DDX39B: variants seen among roughly 807,000 people sequenced by gnomAD.
DDX39B encodes spliceosome RNA helicase DDX39B.
Under a neutral mutation model 46.4 loss-of-function variants are expected in DDX39B, and 6 were observed. That is an observed-to-expected ratio of 0.13 (90% CI 0.07 to 0.26). The LOEUF is 0.26. Ranked by LOEUF, DDX39B falls within the 10% of genes least tolerant of loss-of-function variation. DDX39B has a pLI of 1.00. For missense variants in DDX39B, 185 were observed against 553.4 expected, an observed-to-expected ratio of 0.33 and a Z score of 6.68; for synonymous variants, 174 against 199.4, an observed-to-expected ratio of 0.87 and a Z score of 1.07.
intron 4 of DDX39B, among the ~76,000 whole-genome samples, chr6:31,538,064 T>C (rs1311869415): frequency 2.0e-5 from 3 of 151,890 alleles, no homozygotes; most frequent in Non-Finnish European, 4.4e-5. Flanking sequence ...TAAAATAAAA[T>C]AACTAACATA....
intron 6 of DDX39B, chr6:31,533,771 G>A (rs1055385): frequency 0.085 from 12,898 of 152,086 alleles, 804 homozygotes; most frequent in South Asian, 0.19. Flanking sequence ...TGAATAGCTG[G>A]GACTACAGGC....
At chr6:31,540,216 A>G in intron 2 of DDX39B, 106 bp downstream of exon 2, 1 of 1,272,146 alleles carries the variant, frequency 7.9e-7, no homozygotes, top group Non-Finnish European at 1.1e-6. Flanking sequence ...GCCCTGATCT[A>G]GCCTTAAGTA....
At position 31,540,954 on chromosome 6, in the gene DDX39B, G is replaced by A. The variant is rs192376883; in HGVS notation, c.-132-290C>T. On this transcript the variant is annotated intron_variant, in intron 1 of 10. Transcript: ENST00000396172. The stretch of plus-strand genomic sequence containing the variant: ...TTCTTGATCTGAAAGTAACAGTGAG[G>A]AAATAGAATAGATAATAAAAGGTAA... 2.7e-3 allele frequency: 1,127 copies of A among 417,748 alleles called. 18 individuals carry two copies. The highest frequency in any genetic ancestry group is 0.023 in the Middle Eastern group (45 of 1,962). 25.9% of individuals were successfully genotyped at this position (417,748 alleles called of 1,614,324 possible). A position where few individuals can be genotyped will look rare whatever the true frequency, so the allele number is the denominator to read the frequency against.
Position 31,530,584 on chromosome 6 carries a change from T to C in DDX39B, c.1271-134A>G, listed in dbSNP as rs1767047784. 28 of 1,317,144 alleles carry C rather than the reference T, an allele frequency of 2.1e-5. No homozygotes were observed. Among genetic ancestry groups the C allele is most frequent in the Non-Finnish European group, 2.9e-5 (28 of 950,594 alleles). 81.6% of individuals were successfully genotyped at this position (1,317,144 alleles called of 1,614,324 possible). On this transcript the variant is annotated intron_variant, in intron 10 of 10. Coordinates refer to ENST00000396172, the MANE Select transcript of DDX39B (RefSeq NM_004640.7). This position sits in a 1 kb window ranked among gnomAD's most constrained non-coding sequence, Gnocchi z 4.5. The stretch of plus-strand genomic sequence containing the variant: ...GGACGTGGGGGTGAGGGAAGGGATG[T>C]AATATGATGAGAGAAGACAAGACAC...
At chr6:31,541,740 C>T (rs1347879670) in intron 1 of DDX39B, 1 of 622,678 alleles carries the variant, frequency 1.6e-6, no homozygotes, top group Admixed American at 2.1e-5. Flanking sequence ...GCGCCGAGGA[C>T]ACCATCTTGG....
chr6:31,539,391 G>C, intron 2 of DDX39B, 117 bp from the exon 3 acceptor site: 2 of 1,448,274 alleles, frequency 1.4e-6, no homozygotes, highest in Non-Finnish European at 1.9e-6. Flanking sequence ...GTATTTACCT[G>C]GTTCTTGCCA....
Position 31,535,302 on chromosome 6 carries a change from A to T in DDX39B, c.735+65T>A. The T allele has an allele frequency of 5.4e-6, 8 of 1,473,828 alleles. No homozygotes were observed. The highest frequency in any genetic ancestry group is 7.6e-6 in the Non-Finnish European group (8 of 1,053,322). 91.3% of individuals were successfully genotyped at this position (1,473,828 alleles called of 1,614,324 possible). A position where few individuals can be genotyped will look rare whatever the true frequency, so the allele number is the denominator to read the frequency against. ...TGAATGACAAGGGAGTCTGAGGAAG[A>T]GGGCGAGGAAGGGGAGGAGGCAGCG... is the stretch of plus-strand genomic sequence containing the variant. On this transcript the variant is annotated intron_variant, in intron 6 of 10. Transcript: ENST00000396172. This position sits in a 1 kb window ranked among gnomAD's most constrained non-coding sequence, Gnocchi z 4.6.
chr6:31,532,768 C>A lies in DDX39B; in HGVS notation c.867+12G>T. 1 of 1,609,966 alleles carries A rather than the reference C, an allele frequency of 6.2e-7. No individual in the cohort carries two copies. The highest frequency in any genetic ancestry group is 2.2e-5 in the East Asian group (1 of 44,840). On this transcript the variant is annotated intron_variant, in intron 7 of 10. Transcript: ENST00000396172. ...CTCCAATGCTCATCCCCCTACTGGACGTCTAACTGACCTGGTTGAACTCAA... is the reference window on the plus strand; with the variant it reads ...CTCCAATGCTCATCCCCCTACTGGAAGTCTAACTGACCTGGTTGAACTCAA...
Position 31,530,280 on chromosome 6 carries a change from A to T in DDX39B, c.*154T>A, listed in dbSNP as rs1246149117. ...TTTTGTTAAAAAAAAATTCTGACAA[A>T]TCAGAAATGGGGGTTCAGGAGTGGT... On this transcript the variant is annotated 3_prime_UTR_variant, in exon 11 of 11. Transcript: ENST00000396172. This position sits in a 1 kb window ranked among gnomAD's most constrained non-coding sequence, Gnocchi z 4.5. 2.0e-6 allele frequency: 2 copies of T among 990,368 alleles called. No homozygotes were observed. The highest frequency in any genetic ancestry group is 2.9e-6 in the Non-Finnish European group (2 of 680,332). The allele number at this position is 990,368 out of a possible 1,614,324, so 61.3% of individuals were successfully genotyped here. A position where few individuals can be genotyped will look rare whatever the true frequency, so the allele number is the denominator to read the frequency against.
chr6:31,538,208 T>G (rs1768002390), intron 4 of DDX39B, among the ~76,000 whole-genome samples: 1 of 151,952 alleles, frequency 6.6e-6, no homozygotes, highest in East Asian at 1.9e-4. Context: ...CAGGCTGGAG[T>G]GTAATGGCAC....
chr6:31,534,351 C>T lies in DDX39B; in HGVS notation c.735+1016G>A. 5.6e-6 allele frequency: 2 copies of T among 359,336 alleles called. No individual in the cohort carries two copies. The highest frequency in any genetic ancestry group is 4.5e-5 in the South Asian group (2 of 44,522). 22.3% of individuals were successfully genotyped at this position (359,336 alleles called of 1,614,324 possible). ...TGGCCTCCTTCAAATCTCATTCTAGCCCCAAATACAGCTAAAGAGTGATCA... is the reference window on the plus strand; with the variant it reads ...TGGCCTCCTTCAAATCTCATTCTAGTCCCAAATACAGCTAAAGAGTGATCA... On this transcript the variant is annotated intron_variant, in intron 6 of 10. Transcript: ENST00000396172. The surrounding 1 kb of genome is among the most constrained non-coding windows in gnomAD (Gnocchi z 5.1).
chr6:31,530,713 G>A lies in DDX39B; in HGVS notation c.1270+66C>T. On this transcript the variant is annotated intron_variant, in intron 10 of 10. Coordinates refer to ENST00000396172, the MANE Select transcript of DDX39B (RefSeq NM_004640.7). This position sits in a 1 kb window ranked among gnomAD's most constrained non-coding sequence, Gnocchi z 4.5. ...ATCAGATGCCCATGACCTATGTGAT[G>A]GGATTTCGGACAAACACACTAAGGA... The A allele has an allele frequency of 6.3e-7, 1 of 1,577,386 alleles. No individual in the cohort carries two copies. Among genetic ancestry groups the A allele is most frequent in the African/African-American group, 1.3e-5 (1 of 74,454 alleles).
chr6:31,541,585 CT>C (rs1416116704), intron 1 of DDX39B: 1 of 468,018 alleles, frequency 2.1e-6, no homozygotes, highest in Non-Finnish European at 4.4e-6. Context: ...CGAGAAAGAG[CT>C]CAAGAAAGGA....
At chr6:31,541,478 C>G (rs1768442470) in intron 1 of DDX39B, 1 of 380,642 alleles carries the variant, frequency 2.6e-6, no homozygotes, top group African/African-American at 2.1e-5. Context: ...GTATCGTAAA[C>G]ACTTGGAAGG....
rs754842685 is a variant in DDX39B, at chr6:31,540,468, G to A, written c.65C>T (p.Ala22Val). ...DYEDDEVETA[A>V]GGDGAEAPAK... Reference sequence around the variant, plus strand: ...AGGGGCCTCAGCCCCATCTCCCCCAGCTGCTGTCTCCACCTCATCATCTTC... The same window carrying A: ...AGGGGCCTCAGCCCCATCTCCCCCAACTGCTGTCTCCACCTCATCATCTTC... Residue 22 changes from alanine (A) to valine (V), a missense_variant, in exon 2 of 11, where the codon GCT becomes GTT. Transcript: ENST00000396172. 2 of 1,614,158 alleles carry A rather than the reference G, an allele frequency of 1.2e-6. No homozygotes were observed. Among genetic ancestry groups the A allele is most frequent in the Non-Finnish European group, 1.7e-6 (2 of 1,180,026 alleles).
chr6:31,541,972 G>A lies in DDX39B; in HGVS notation c.-155C>T, dbSNP rs1582974260. The A allele has an allele frequency of 3.0e-6, 2 of 674,948 alleles. No individual in the cohort carries two copies. The highest frequency in any genetic ancestry group is 5.5e-6 in the Non-Finnish European group (2 of 364,564). The allele number at this position is 674,948 out of a possible 1,614,324, so 41.8% of individuals were successfully genotyped here. A position where few individuals can be genotyped will look rare whatever the true frequency, so the allele number is the denominator to read the frequency against. On this transcript the variant is annotated 5_prime_UTR_variant, in exon 1 of 11. Coordinates refer to ENST00000396172, the MANE Select transcript of DDX39B (RefSeq NM_004640.7). ...TACCTAAACAGGGAGAGCGCGTATGGCGGCAGCAACAGCGACGAAGGAGGG... is the reference window on the plus strand; with the variant it reads ...TACCTAAACAGGGAGAGCGCGTATGACGGCAGCAACAGCGACGAAGGAGGG...
chr6:31,539,748 C>T (rs1768188735), intron 2 of DDX39B, among the ~76,000 whole-genome samples: 1 of 152,176 alleles, frequency 6.6e-6, no homozygotes, highest in Non-Finnish European at 1.5e-5. Context: ...TTCCAGAGAC[C>T]ACAGTTGGCC....
chr6:31,540,574 G>T lies in DDX39B; in HGVS notation c.-42C>A. The stretch of plus-strand genomic sequence containing the variant: ...GAAGAAGGGAAGGGGGATCTGGATG[G>T]GTTCTCGCAAAATAGGTGAAAACAA... On this transcript the variant is annotated 5_prime_UTR_variant, in exon 2 of 11. Transcript: ENST00000396172. The T allele has an allele frequency of 6.2e-7, 1 of 1,601,318 alleles. No homozygotes were observed. Among genetic ancestry groups the T allele is most frequent in the Non-Finnish European group, 8.5e-7 (1 of 1,170,696 alleles).
chr6:31,538,752 C>T lies in DDX39B; in HGVS notation c.432+11G>A. On this transcript the variant is annotated intron_variant, in intron 4 of 10. Transcript: ENST00000396172. ...ACACCCTCACTCTCAGGTCTCTTTACCTTGGCTTACCTTGACATTGGGCAT... is the reference window on the plus strand; with the variant it reads ...ACACCCTCACTCTCAGGTCTCTTTATCTTGGCTTACCTTGACATTGGGCAT... 1.9e-6 allele frequency: 3 copies of T among 1,609,272 alleles called. No individual in the cohort carries two copies. The highest frequency in any genetic ancestry group is 2.5e-6 in the Non-Finnish European group (3 of 1,177,868).
Sources: gnomAD v4.1 joint callset for allele counts (sites outside exome capture counted in the v4.1 genomes callset) on GRCh38, gnomAD v4.1.1 for gene constraint, Gnocchi (gnomAD v3.1) non-coding constraint, MANE v1.5 for transcripts, NCBI Gene and HGNC (gene_info 2026-07-23, HGNC 2026-07-21) for gene names.